EDN1: variants seen among roughly 807,000 people sequenced by gnomAD.
EDN1 encodes endothelin 1, also known as endothelin-1.
In EDN1, 11 loss-of-function variants were observed where a neutral mutation model predicts 21.7. The observed-to-expected ratio is 0.51, with a 90% CI of 0.32 to 0.84. The LOEUF (loss-of-function observed/expected upper bound fraction) is 0.84, where lower values mean the gene tolerates loss of function less well. EDN1 is among the 40% of genes least tolerant of loss of function. EDN1 has a pLI of 0.03. For missense variants in EDN1, 244 were observed against 262.3 expected (o/e 0.93, Z 0.48); for synonymous variants, 85 against 90.6 (o/e 0.94, Z 0.35).
At chr6:12,283,176 G>A in the EDN1 span, among the ~76,000 whole-genome samples, 2 of 152,146 alleles carry the variant, frequency 1.3e-5, no homozygotes, top group African/African-American at 4.8e-5. Context: ...CGTTTAAAAA[G>A]TCATCTAACT....
the EDN1 span, among the ~76,000 whole-genome samples, chr6:12,234,466 A>C: frequency 1.3e-5 from 2 of 152,248 alleles, no homozygotes; most frequent in Non-Finnish European, 2.9e-5. Context: ...ACCACAGGGA[A>C]GTGTTTCTTA....
At chr6:12,288,062 C>A (rs1203006830), upstream of EDN1, among the ~76,000 whole-genome samples, 1 of 152,026 alleles carries the variant, frequency 6.6e-6, no homozygotes. Flanking sequence ...CCTGCAGGGG[C>A]AGCCTCAGCA....
intron 4 of EDN1, 136 bp downstream of exon 4, chr6:12,294,540 T>G: frequency 1.0e-6 from 1 of 968,334 alleles, no homozygotes; most frequent in Non-Finnish European, 1.6e-6. Context: ...GCAGAGGAGA[T>G]CTATGCATCC....
chr6:12,267,854 G>T, the EDN1 span, among the ~76,000 whole-genome samples: 1 of 152,222 alleles, frequency 6.6e-6, no homozygotes, highest in Non-Finnish European at 1.5e-5. Context: ...TCTTGTCAGA[G>T]ACAAATGCAG....
the EDN1 span, among the ~76,000 whole-genome samples, chr6:12,266,815 T>C: frequency 2.0e-5 from 3 of 152,076 alleles, no homozygotes; most frequent in South Asian, 2.1e-4. Flanking sequence ...ATGGCTGGAG[T>C]AGAATTTTTC....
At chr6:12,248,775 C>G in the EDN1 span, among the ~76,000 whole-genome samples, 2 of 152,138 alleles carry the variant, frequency 1.3e-5, no homozygotes, top group Admixed American at 1.3e-4. Flanking sequence ...AACAAGGTTT[C>G]TAAAGTTAGT....
At chr6:12,289,142 G>T (rs1013809933), upstream of EDN1, among the ~76,000 whole-genome samples, 3 of 152,138 alleles carry the variant, frequency 2.0e-5, no homozygotes, top group Admixed American at 2.0e-4. Flanking sequence ...TTCAGGGGGG[G>T]ATTTCAAGGT....
upstream of EDN1, among the ~76,000 whole-genome samples, chr6:12,287,346 T>C (rs1396222820): frequency 6.6e-6 from 1 of 151,976 alleles, no homozygotes; most frequent in East Asian, 1.9e-4. Flanking sequence ...TTTTCACCTC[T>C]AGTTCTTCTC....
the EDN1 span, among the ~76,000 whole-genome samples, chr6:12,251,286 GACTT>G: frequency 1.2e-4 from 18 of 152,286 alleles, no homozygotes; most frequent in African/African-American, 3.4e-4. Flanking sequence ...ATATTGGAAA[GACTT>G]ACACAATGAA....
the EDN1 span, among the ~76,000 whole-genome samples, chr6:12,232,626 A>G: frequency 6.6e-6 from 1 of 152,122 alleles, no homozygotes; most frequent in African/African-American, 2.4e-5. Flanking sequence ...TATTAGAAGG[A>G]AAAAAATGCA....
chr6:12,257,915 A>AT, the EDN1 span, among the ~76,000 whole-genome samples: 1 of 152,100 alleles, frequency 6.6e-6, no homozygotes, highest in African/African-American at 2.4e-5. Flanking sequence ...CCCACCAACT[A>AT]TTTTTTCAGA....
chr6:12,237,512 C>T, the EDN1 span, among the ~76,000 whole-genome samples: 1 of 152,012 alleles, frequency 6.6e-6, no homozygotes, highest in African/African-American at 2.4e-5. Flanking sequence ...AAACATATTG[C>T]TGTGTTTTAG....
At chr6:12,237,036 T>A in the EDN1 span, among the ~76,000 whole-genome samples, 4 of 146,506 alleles carry the variant, frequency 2.7e-5, no homozygotes, top group Non-Finnish European at 6.0e-5. Context: ...CCAAGTGTTC[T>A]CATTGTTCAA....
At chr6:12,291,012 T>C (rs1762666650) in intron 1 of EDN1, among the ~76,000 whole-genome samples, 1 of 152,238 alleles carries the variant, frequency 6.6e-6, no homozygotes, top group African/African-American at 2.4e-5. Flanking sequence ...TTTAGTCAAA[T>C]GTATGTTTGT....
chr6:12,285,391 A>C (rs1249238052), upstream of EDN1, among the ~76,000 whole-genome samples: 1 of 152,132 alleles, frequency 6.6e-6, no homozygotes, highest in Non-Finnish European at 1.5e-5. Flanking sequence ...CTGTAGGAGC[A>C]TTTTTGTGTG....
intron 4 of EDN1, among the ~76,000 whole-genome samples, chr6:12,295,174 G>T (rs1191138712): frequency 1.3e-5 from 2 of 151,954 alleles, no homozygotes; most frequent in African/African-American, 4.8e-5. Context: ...TTCTATCATG[G>T]TCTATGGAAA....
upstream of EDN1, among the ~76,000 whole-genome samples, chr6:12,287,117 C>G (rs1332795966): frequency 8.6e-6 from 1 of 115,664 alleles, no homozygotes; most frequent in Non-Finnish European, 1.8e-5. Flanking sequence ...ACCCTGTCCC[C>G]AAAAAAATTA....
At chr6:12,293,127 A>G (rs1179014696) in intron 2 of EDN1, among the ~76,000 whole-genome samples, 1 of 152,192 alleles carries the variant, frequency 6.6e-6, no homozygotes, top group Non-Finnish European at 1.5e-5. Context: ...AGAAAAGCAG[A>G]TTTCCTCCTT....
At chr6:12,273,604 C>CTTTTTTTTTTTTTT in the EDN1 span, among the ~76,000 whole-genome samples, 14 of 83,336 alleles carry the variant, frequency 1.7e-4, no homozygotes, top group South Asian at 4.5e-4. Flanking sequence ...GTAGGCAGGA[C>CTTTTTTTTTTTTTT]TTTTTTTTTT....
Sources: allele counts gnomAD v4.1 joint callset (sites outside exome capture counted in the v4.1 genomes callset), GRCh38; gene constraint gnomAD v4.1.1; transcripts MANE v1.5; gene names NCBI Gene and HGNC (gene_info 2026-07-23, HGNC 2026-07-21).